Variants in EXOC4 observed in about 807,000 individuals in gnomAD.
EXOC4 encodes the protein exocyst complex component 4, also known as SEC8-like 1.
A neutral mutation model predicts 107.2 loss-of-function variants in EXOC4; 71 were observed. The observed-to-expected ratio is 0.66, with a 90% confidence interval of 0.55 to 0.81. EXOC4 has a LOEUF of 0.81. EXOC4 is among the 30% of genes least tolerant of loss of function. EXOC4 has a pLI of 0.00. For missense variants in EXOC4, 1,108 were observed against 1,189.6 expected (o/e 0.93, Z 1.01); for synonymous variants, 456 against 441.2 (o/e 1.03, Z -0.42).
intron 3 of EXOC4, among the ~76,000 whole-genome samples, chr7:133,302,719 G>A (rs1469164703): frequency 1.3e-5 from 2 of 152,084 alleles, no homozygotes; most frequent in African/African-American, 2.4e-5. Flanking sequence ...AGTGTTGCGT[G>A]TCACACTTAT....
chr7:133,972,640 T>A (rs1801269108), intron 14 of EXOC4, among the ~76,000 whole-genome samples: 1 of 152,228 alleles, frequency 6.6e-6, no homozygotes, highest in Non-Finnish European at 1.5e-5. Context: ...CATATCTTTA[T>A]ATTGAAATAA....
intron 10 of EXOC4, among the ~76,000 whole-genome samples, chr7:133,771,149 G>GC (rs1158453177): frequency 1.3e-5 from 2 of 152,058 alleles, no homozygotes; most frequent in East Asian, 3.9e-4. Flanking sequence ...AGAATCTGGG[G>GC]AGGGTATACA....
At chr7:134,033,537 A>C (rs942858568) in intron 17 of EXOC4, among the ~76,000 whole-genome samples, 1 of 152,188 alleles carries the variant, frequency 6.6e-6, no homozygotes, top group African/African-American at 2.4e-5. Flanking sequence ...CCTTTTTAGA[A>C]ACATGATCTT....
At position 133,875,536 on chromosome 7, in the gene EXOC4, G is replaced by A. The variant is rs1393272988; in HGVS notation, c.1735-20063G>A. On this transcript the variant is annotated intron_variant, in intron 11 of 17. Coordinates refer to ENST00000253861, the MANE Select transcript of EXOC4 (RefSeq NM_021807.4). ...ACTGCCCACGAACTGTCTCTTGGCT[G>A]CTGGCATTGGAGTGGCCTGTGCTTC... 2.0e-5 allele frequency among the ~76,000 whole-genome samples: 3 copies of A among 152,156 alleles called. No individual in the cohort carries two copies. In the East Asian group the frequency reaches 5.8e-4, roughly 29 times the overall value.
In EXOC4 at chr7:133,937,794, A is replaced by G. The variant is rs1191998623; in HGVS notation, c.2028-97A>G. On this transcript the variant is annotated intron_variant, in intron 13 of 17. Transcript: ENST00000253861. Reference sequence around the variant, plus strand: ...AAGAGCACGCTGTAAAATAGTGCTCATGTCAGTCCTTGTGCTAGGTGTGCC... The same window carrying G: ...AAGAGCACGCTGTAAAATAGTGCTCGTGTCAGTCCTTGTGCTAGGTGTGCC... 6 of 1,139,268 alleles carry G rather than the reference A, an allele frequency of 5.3e-6. No homozygotes were observed. The South Asian group carries it at 7.3e-5, about 14-fold the overall frequency. The allele number at this position is 1,139,268 out of a possible 1,614,324, so 70.6% of individuals were successfully genotyped here.
At chr7:133,257,746 G>A (rs1262516317) in intron 1 of EXOC4, among the ~76,000 whole-genome samples, 1 of 152,204 alleles carries the variant, frequency 6.6e-6, no homozygotes, top group Non-Finnish European at 1.5e-5. Context: ...GGCAGTGGAA[G>A]GCTCACATTT....
intron 1 of EXOC4, among the ~76,000 whole-genome samples, chr7:133,258,420 G>A (rs1294360287): frequency 6.6e-6 from 1 of 152,178 alleles, no homozygotes; most frequent in African/African-American, 2.4e-5. Flanking sequence ...GTTGTGTGTT[G>A]TAGTTGAAAC....
chr7:133,253,423 GCAC>G, intron 1 of EXOC4: 2 of 1,284,986 alleles, frequency 1.6e-6, no homozygotes, highest in South Asian at 4.7e-5. Flanking sequence ...TTTAGGGGCA[GCAC>G]CTTCTATTAC....
At chr7:133,710,913 G>GAA (rs5887642) in intron 10 of EXOC4, among the ~76,000 whole-genome samples, 44 of 148,518 alleles carry the variant, frequency 3.0e-4, no homozygotes, top group South Asian at 1.5e-3. Context: ...TTAACAGCCA[G>GAA]AAAAAAAAAA....
chr7:133,594,031 A>G (rs1451526226), intron 9 of EXOC4, among the ~76,000 whole-genome samples: 2 of 152,218 alleles, frequency 1.3e-5, no homozygotes, highest in Non-Finnish European at 2.9e-5. Flanking sequence ...AAGCAATTAA[A>G]GAGACTATCC....
downstream of EXOC4, among the ~76,000 whole-genome samples, chr7:134,069,315 C>CT: frequency 1.5e-5 from 1 of 66,458 alleles, no homozygotes; most frequent in South Asian, 5.0e-4. Context: ...CTCCTTTCTT[C>CT]CTTCTCCCCC....
At chr7:133,914,590 T>C (rs898163765) in intron 12 of EXOC4, among the ~76,000 whole-genome samples, 1 of 151,798 alleles carries the variant, frequency 6.6e-6, no homozygotes, top group Non-Finnish European at 1.5e-5. Context: ...ACTCAATTTG[T>C]ACTACCTGCG....
At chr7:133,715,904 A>AT (rs748193219) in intron 10 of EXOC4, among the ~76,000 whole-genome samples, 48 of 151,964 alleles carry the variant, frequency 3.2e-4, no homozygotes, top group Non-Finnish European at 6.2e-4. Flanking sequence ...TAGAAAGCAT[A>AT]TTTTTTTCAT....
intron 13 of EXOC4, among the ~76,000 whole-genome samples, chr7:133,919,784 C>G (rs182420423): frequency 2.6e-5 from 4 of 152,256 alleles, no homozygotes; most frequent in Admixed American, 2.6e-4. Flanking sequence ...ATTCACTCAT[C>G]TATTGAAGGA....
intron 10 of EXOC4, among the ~76,000 whole-genome samples, chr7:133,659,531 A>G (rs117925549): frequency 1.4e-3 from 206 of 152,232 alleles, no homozygotes; most frequent in Non-Finnish European, 2.5e-3. Flanking sequence ...GGTTTCATTT[A>G]TACTTTTGCA....
chr7:133,518,303 TC>T (rs1240904531), intron 9 of EXOC4, among the ~76,000 whole-genome samples: 6 of 151,606 alleles, frequency 4.0e-5, no homozygotes, highest in South Asian at 2.1e-4. Context: ...CTTTTTTTTT[TC>T]GTTACAGTCT....
intron 6 of EXOC4, among the ~76,000 whole-genome samples, chr7:133,373,595 T>C (rs1796423332): frequency 6.6e-6 from 1 of 152,204 alleles, no homozygotes; most frequent in South Asian, 2.1e-4. Flanking sequence ...GAGATTGTAG[T>C]TATAACCCCT....
chr7:133,976,495 CA>C lies in EXOC4; in HGVS notation c.2207-20993del, dbSNP rs572151504. Among the ~76,000 whole-genome samples the C allele has an allele frequency of 5.7e-3, 861 of 152,206 alleles. 5 individuals are homozygous for C. Among genetic ancestry groups the C allele is most frequent in the Middle Eastern group, 0.02 (6 of 294 alleles). On this transcript the variant is annotated intron_variant, in intron 14 of 17. Transcript: ENST00000253861. Reference sequence around the variant, plus strand: ...AGATTACAGCAGATATTCCTATTCTCAAAACAGAGTGAAGAAGAAATTCTAG... The same window carrying C: ...AGATTACAGCAGATATTCCTATTCTCAAACAGAGTGAAGAAGAAATTCTAG...
intron 10 of EXOC4, among the ~76,000 whole-genome samples, chr7:133,705,311 G>A (rs997749605): frequency 5.9e-5 from 9 of 152,174 alleles, no homozygotes; most frequent in Admixed American, 2.0e-4. Flanking sequence ...AGGTTGCAGC[G>A]AGCTGAGATC....
Sources: gnomAD v4.1 joint callset for allele counts (sites outside exome capture counted in the v4.1 genomes callset) on GRCh38, gnomAD v4.1.1 for gene constraint, MANE v1.5 for transcripts, NCBI Gene and HGNC (gene_info 2026-07-23, HGNC 2026-07-21) for gene names.